Variants in ZBTB44 observed in about 807,000 individuals in gnomAD.
ZBTB44 encodes zinc finger and BTB domain-containing protein 44.
ZBTB44 carries 15 observed loss-of-function variants against 54.0 expected under a neutral mutation model. The ratio of observed to expected loss-of-function variants is 0.28; its 90% CI spans 0.19 to 0.43. ZBTB44 has a LOEUF of 0.43. Among genes scored for constraint, ZBTB44 ranks in the 20% least tolerant of loss-of-function variants. ZBTB44 has a pLI of 1.00. For synonymous variants in ZBTB44, 230 were observed against 250.1 expected (o/e 0.92, Z 0.76); for missense variants, 487 against 707.1 (o/e 0.69, Z 3.53).
intron 1 of ZBTB44, among the ~76,000 whole-genome samples, chr11:130,312,127 T>C (rs892227332): frequency 1.3e-5 from 2 of 152,124 alleles, no homozygotes; most frequent in African/African-American, 4.8e-5. Flanking sequence ...GGAAGAACAA[T>C]AGTTTACCTG....
chr11:130,282,295 A>G (rs978599542), intron 1 of ZBTB44, among the ~76,000 whole-genome samples: 1 of 152,216 alleles, frequency 6.6e-6, no homozygotes, highest in African/African-American at 2.4e-5. Context: ...ATTAAACAAT[A>G]GCTCCCCATT....
intron 1 of ZBTB44, among the ~76,000 whole-genome samples, chr11:130,286,050 G>A (rs760228066): frequency 6.6e-6 from 1 of 152,134 alleles, no homozygotes; most frequent in African/African-American, 2.4e-5. Flanking sequence ...TCAACTATCC[G>A]AAAAGTGACA....
intron 1 of ZBTB44, among the ~76,000 whole-genome samples, chr11:130,264,850 A>G (rs561839204): frequency 6.6e-6 from 1 of 152,336 alleles, no homozygotes; most frequent in African/African-American, 2.4e-5. Flanking sequence ...AATTTGTGGC[A>G]ACCCTGCTGT....
At chr11:130,276,940 A>T (rs1205984102) in intron 1 of ZBTB44, among the ~76,000 whole-genome samples, 1 of 152,186 alleles carries the variant, frequency 6.6e-6, no homozygotes, top group Non-Finnish European at 1.5e-5. Context: ...TATTTGCTGG[A>T]TACGAGTAAA....
At chr11:130,272,022 G>A (rs1199773840) in intron 1 of ZBTB44, among the ~76,000 whole-genome samples, 1 of 152,122 alleles carries the variant, frequency 6.6e-6, no homozygotes, top group Admixed American at 6.5e-5. Flanking sequence ...CTTGAGGTCA[G>A]GAGTCAAGAC....
chr11:130,309,336 A>G (rs557174714), intron 1 of ZBTB44, among the ~76,000 whole-genome samples: 4 of 152,362 alleles, frequency 2.6e-5, no homozygotes, highest in East Asian at 1.9e-4. Flanking sequence ...GGATGAACAC[A>G]GGAAAACACA....
intron 1 of ZBTB44, among the ~76,000 whole-genome samples, chr11:130,298,074 T>C (rs1565333780): frequency 6.6e-6 from 1 of 151,662 alleles, no homozygotes; most frequent in South Asian, 2.1e-4. Flanking sequence ...AGGTGAGTAA[T>C]AAAAAATGTG....
At chr11:130,241,236 G>C (rs1262944714) in intron 2 of ZBTB44, among the ~76,000 whole-genome samples, 1 of 152,176 alleles carries the variant, frequency 6.6e-6, no homozygotes, top group Non-Finnish European at 1.5e-5. Flanking sequence ...TGTAGGAATG[G>C]AATTGCTAGG....
At chr11:130,297,110 T>G (rs1306335892) in intron 1 of ZBTB44, among the ~76,000 whole-genome samples, 1 of 152,224 alleles carries the variant, frequency 6.6e-6, no homozygotes, top group African/African-American at 2.4e-5. Context: ...TTTTTTCCCC[T>G]TGATTTAATA....
intron 1 of ZBTB44, among the ~76,000 whole-genome samples, chr11:130,305,418 G>A (rs552376952): frequency 6.6e-5 from 10 of 152,200 alleles, no homozygotes; most frequent in African/African-American, 1.7e-4. Context: ...CATGTAGACC[G>A]ATGGAACAGA....
At chr11:130,309,134 C>T (rs138373245) in intron 1 of ZBTB44, among the ~76,000 whole-genome samples, 1 of 152,298 alleles carries the variant, frequency 6.6e-6, no homozygotes, top group Non-Finnish European at 1.5e-5. Flanking sequence ...AAGCATCATC[C>T]TGTAACATGC....
At chr11:130,278,096 A>G (rs1940239095) in intron 1 of ZBTB44, among the ~76,000 whole-genome samples, 1 of 152,202 alleles carries the variant, frequency 6.6e-6, no homozygotes, top group African/African-American at 2.4e-5. Flanking sequence ...TTACTTAGAA[A>G]AAGATTTTCA....
intron 1 of ZBTB44, among the ~76,000 whole-genome samples, chr11:130,313,587 T>A (rs1942747820): frequency 6.6e-6 from 1 of 152,198 alleles, no homozygotes; most frequent in Non-Finnish European, 1.5e-5. Context: ...TTGCTTCCGG[T>A]ATCAGCCGAT....
intron 2 of ZBTB44, among the ~76,000 whole-genome samples, chr11:130,259,809 GGGGGGCTA>G: frequency 1.3e-5 from 2 of 151,982 alleles, no homozygotes; most frequent in East Asian, 1.9e-4. Flanking sequence ...GTTGGGGGAT[GGGGGGCTA>G]GGGGAGAGAT....
In ZBTB44 at chr11:130,238,592, C is replaced by G; in HGVS notation, c.1119G>C (p.Gln373His). The change falls in exon 4 of 8, where the codon CAG (glutamine) becomes CAC (histidine). Residue 373 changes from glutamine (Q) to histidine (H), a missense_variant. Physicochemically the swap from Gln to His is conservative, Grantham distance 24. Transcript: ENST00000357899. Reference sequence around the variant, plus strand: ...GAGCAATGTAGAGTTGGTAGGGATACTGAACATTTTCCAATCTAAAAAAAA... The same window carrying G: ...GAGCAATGTAGAGTTGGTAGGGATAGTGAACATTTTCCAATCTAAAAAAAA... Reference protein sequence around the residue: ...PDDDDRLENVQYPYQLYIAPS... With the variant: ...PDDDDRLENVHYPYQLYIAPS... 6.2e-7 allele frequency: 1 copy of G among 1,610,482 alleles called. No homozygotes were observed.
At position 130,261,383 on chromosome 11, in the gene ZBTB44, G is replaced by A; in HGVS notation, c.491C>T (p.Ser164Phe). 6.2e-7 allele frequency: 1 copy of A among 1,613,924 alleles called. No individual in the cohort carries two copies. Among genetic ancestry groups the A allele is most frequent in the Non-Finnish European group, 8.5e-7 (1 of 1,179,880 alleles). The change falls in exon 2 of 8, where the codon TCC (serine) becomes TTC (phenylalanine). Residue 164 changes from serine to phenylalanine, a missense_variant. Physicochemically the swap from Ser to Phe is radical, Grantham distance 155 (BLOSUM62 -2). Transcript: ENST00000357899. This position sits in a 1 kb window ranked among gnomAD's most constrained non-coding sequence, Gnocchi z 4.8. Reference sequence around the variant, plus strand: ...TCTTTCTACCACACTGCACTCTGAGGACACGGGAGAAATGCTCCCATCTCG... The same window carrying A: ...TCTTTCTACCACACTGCACTCTGAGAACACGGGAGAAATGCTCCCATCTCG... ...TSRDGSISPVSSECSVVERTI... is the reference protein window; with the variant it reads ...TSRDGSISPVFSECSVVERTI...
chr11:130,304,762 T>C (rs1055259307), intron 1 of ZBTB44, among the ~76,000 whole-genome samples: 2 of 152,280 alleles, frequency 1.3e-5, no homozygotes, highest in East Asian at 3.9e-4. Flanking sequence ...AACTTTTAGA[T>C]ACAGCAAAAT....
At chr11:130,234,360 C>T in intron 5 of ZBTB44, 87 bp from the exon 6 acceptor site, 1 of 1,308,634 alleles carries the variant, frequency 7.6e-7, no homozygotes, top group South Asian at 1.7e-5. Flanking sequence ...ATTTATACAA[C>T]AAAATTGGGA....
At chr11:130,277,683 A>G (rs1940207305) in intron 1 of ZBTB44, among the ~76,000 whole-genome samples, 1 of 152,180 alleles carries the variant, frequency 6.6e-6, no homozygotes, top group Non-Finnish European at 1.5e-5. Flanking sequence ...TTTTAAAGTA[A>G]TTATATAATT....
Sources: gnomAD v4.1 joint callset for allele counts (sites outside exome capture counted in the v4.1 genomes callset) on GRCh38, gnomAD v4.1.1 for gene constraint, Gnocchi (gnomAD v3.1) non-coding constraint, MANE v1.5 for transcripts, NCBI Gene and HGNC (gene_info 2026-07-23, HGNC 2026-07-21) for gene names.